PRKG1: variants seen among roughly 807,000 people sequenced by gnomAD.
PRKG1 encodes the protein cGMP-dependent protein kinase 1.
Under a neutral mutation model 88.1 loss-of-function variants are expected in PRKG1, and 35 were observed. The ratio of observed to expected loss-of-function variants is 0.40; its 90% confidence interval spans 0.30 to 0.53. PRKG1 has a LOEUF of 0.53. Among genes scored for constraint, PRKG1 ranks in the 20% least tolerant of loss-of-function variants. The probability of loss-of-function intolerance (pLI) is 0.59; values close to 1 mark genes in which losing one functional copy is unlikely to be tolerated. For missense variants in PRKG1, 540 were observed against 839.8 expected (o/e 0.64, Z 4.41); for synonymous variants, 303 against 292.5 (o/e 1.04, Z -0.37).
At chr10:51,566,054 GAGTAA>G (rs1233557806) in intron 3 of PRKG1, among the ~76,000 whole-genome samples, 1 of 152,086 alleles carries the variant, frequency 6.6e-6, no homozygotes, top group Non-Finnish European at 1.5e-5. Flanking sequence ...AGAGATTAAA[GAGTAA>G]AGTAATTAAT....
At chr10:51,656,773 CAG>C (rs1338498026) in intron 3 of PRKG1, among the ~76,000 whole-genome samples, 1 of 152,136 alleles carries the variant, frequency 6.6e-6, no homozygotes, top group Non-Finnish European at 1.5e-5. Context: ...TCAAGATACT[CAG>C]AGCCTTCCAC....
At chr10:51,774,238 A>G (rs1838378802) in intron 3 of PRKG1, among the ~76,000 whole-genome samples, 1 of 152,126 alleles carries the variant, frequency 6.6e-6, no homozygotes, top group East Asian at 1.9e-4. Context: ...CTTTAGCTCT[A>G]TAACACATGT....
intron 3 of PRKG1, among the ~76,000 whole-genome samples, chr10:51,660,066 T>A (rs576389277): frequency 6.7e-6 from 1 of 149,138 alleles, no homozygotes; most frequent in Admixed American, 6.7e-5. Context: ...GAATAGAGTG[T>A]CTGAAAATAG....
chr10:51,349,437 C>G (rs1354244263), intron 2 of PRKG1, among the ~76,000 whole-genome samples: 3 of 146,062 alleles, frequency 2.1e-5, no homozygotes, highest in Non-Finnish European at 4.5e-5. Context: ...AAATTGTTTA[C>G]TTTGAGTTCA....
chr10:52,250,831 T>C (rs555172881), intron 9 of PRKG1, among the ~76,000 whole-genome samples: 53 of 152,252 alleles, frequency 3.5e-4, no homozygotes, highest in African/African-American at 1.2e-3. Context: ...TTTGCATGTG[T>C]GCATAGTTAG....
chr10:51,190,015 T>C (rs941652534), intron 2 of PRKG1, among the ~76,000 whole-genome samples: 4 of 152,032 alleles, frequency 2.6e-5, no homozygotes, highest in South Asian at 4.1e-4. Flanking sequence ...AGTAACCTAC[T>C]ATACATGCGC....
intron 8 of PRKG1, among the ~76,000 whole-genome samples, chr10:52,143,918 TCTC>T (rs2132654640): frequency 6.6e-6 from 1 of 152,290 alleles, no homozygotes; most frequent in Non-Finnish European, 1.5e-5. Flanking sequence ...AGCAAAGTCT[TCTC>T]CTTCTTTGGA....
intron 3 of PRKG1, among the ~76,000 whole-genome samples, chr10:51,507,854 T>G (rs923835649): frequency 6.6e-6 from 1 of 152,192 alleles, no homozygotes; most frequent in Non-Finnish European, 1.5e-5. Flanking sequence ...TCCATGTCTA[T>G]AGCTTACAGT....
chr10:51,485,087 T>C (rs928593362), intron 3 of PRKG1, among the ~76,000 whole-genome samples: 3 of 152,222 alleles, frequency 2.0e-5, no homozygotes, highest in Admixed American at 6.5e-5. Context: ...ATAGAAAATC[T>C]AATACAAGCC....
intron 1 of PRKG1, among the ~76,000 whole-genome samples, chr10:51,093,586 G>GT (rs980047394): frequency 6.7e-6 from 1 of 149,834 alleles, no homozygotes; most frequent in Admixed American, 6.7e-5. Flanking sequence ...TATTCTTTTG[G>GT]TTTTTAATGT....
chr10:51,592,316 C>T (rs1190180848), intron 3 of PRKG1, among the ~76,000 whole-genome samples: 1 of 152,148 alleles, frequency 6.6e-6, no homozygotes, highest in South Asian at 2.1e-4. Context: ...ATTAAAGAAA[C>T]ACTTGTTTAC....
At chr10:51,525,486 C>T (rs1841857097) in intron 3 of PRKG1, among the ~76,000 whole-genome samples, 1 of 152,088 alleles carries the variant, frequency 6.6e-6, no homozygotes, top group African/African-American at 2.4e-5. Context: ...ATCACGAGGT[C>T]AGGAAATCGA....
chr10:51,415,725 C>T (rs773193068), intron 2 of PRKG1, among the ~76,000 whole-genome samples: 25 of 152,128 alleles, frequency 1.6e-4, no homozygotes, highest in African/African-American at 4.6e-4. Context: ...AAATCCTTCC[C>T]GACACAAGCT....
intron 3 of PRKG1, among the ~76,000 whole-genome samples, chr10:51,732,982 T>C (rs1837159135): frequency 6.6e-6 from 1 of 152,040 alleles, no homozygotes; most frequent in African/African-American, 2.4e-5. Context: ...CTTTCTGGTT[T>C]GCAGACAGCC....
chr10:51,685,137 C>T (rs1261854843), intron 3 of PRKG1, among the ~76,000 whole-genome samples: 1 of 152,288 alleles, frequency 6.6e-6, no homozygotes, highest in East Asian at 1.9e-4. Context: ...TATTTCTCCA[C>T]ATTCAGCCCT....
intron 3 of PRKG1, among the ~76,000 whole-genome samples, chr10:51,645,369 A>C (rs1839892442): frequency 6.6e-6 from 1 of 152,220 alleles, no homozygotes; most frequent in South Asian, 2.1e-4. Flanking sequence ...AACATCTTAT[A>C]TGTTTAAAAT....
intron 5 of PRKG1, among the ~76,000 whole-genome samples, chr10:51,976,347 C>G (rs1483093511): frequency 6.6e-6 from 1 of 151,886 alleles, no homozygotes; most frequent in African/African-American, 2.4e-5. Flanking sequence ...AACTGAAAGC[C>G]ATGCAAATGT....
chr10:51,940,885 A>G (rs1012230156), intron 5 of PRKG1, among the ~76,000 whole-genome samples: 1 of 152,004 alleles, frequency 6.6e-6, no homozygotes, highest in Non-Finnish European at 1.5e-5. Context: ...TGTAATGATC[A>G]TTATCTATAT....
chr10:51,503,320 C>A (rs542242293), intron 3 of PRKG1, among the ~76,000 whole-genome samples: 1 of 152,028 alleles, frequency 6.6e-6, no homozygotes, highest in Non-Finnish European at 1.5e-5. Context: ...AAATTAAAGA[C>A]AAAATACCTC....
Sources: gnomAD v4.1 joint callset for allele counts (sites outside exome capture counted in the v4.1 genomes callset) on GRCh38, gnomAD v4.1.1 for gene constraint, MANE v1.5 for transcripts, NCBI Gene and HGNC (gene_info 2026-07-23, HGNC 2026-07-21) for gene names.